The following POTEE variants were observed in gnomAD, a reference collection of about 807,000 sequenced individuals.
The protein encoded by POTEE is POTE ankyrin domain family member E.
A neutral mutation model predicts 74.2 loss-of-function variants in POTEE; 21 were observed. That is an observed-to-expected ratio of 0.28 (90% CI 0.20 to 0.41). The LOEUF (loss-of-function observed/expected upper bound fraction) is 0.41, where lower values mean the gene tolerates loss of function less well. Among genes scored for constraint, POTEE ranks in the 10% least tolerant of loss-of-function variants. The pLI is 1.00. For synonymous variants in POTEE, 211 were observed against 432.8 expected (o/e 0.49, Z 6.36); for missense variants, 525 against 1,158.6 (o/e 0.45, Z 7.94).
chr2:131,222,780 G>A (rs1296454724), intron 4 of POTEE, among the ~76,000 whole-genome samples: 1 of 152,020 alleles, frequency 6.6e-6, no homozygotes, highest in Non-Finnish European at 1.5e-5. Context: ...GTAAGAATTG[G>A]TTTATTTTAG....
intron 17 of POTEE, among the ~76,000 whole-genome samples, chr2:131,262,637 A>T (rs1701744269): frequency 1.3e-5 from 2 of 150,412 alleles, no homozygotes; most frequent in Admixed American, 6.6e-5. Context: ...GCATCAGCAG[A>T]CCTGGGGAAA....
chr2:131,225,550 C>A (rs184553148), intron 6 of POTEE, among the ~76,000 whole-genome samples: 3,441 of 133,532 alleles, frequency 0.026, 36 homozygotes, highest in African/African-American at 0.08. Context: ...TAAATCTTTC[C>A]AATAACATTA....
rs1208828983 is a variant in POTEE at position 131,209,738 on chromosome 2, C to T, written c.-426C>T. Among the ~76,000 whole-genome samples, 1 of 152,246 alleles carries T rather than the reference C, an allele frequency of 6.6e-6. No individual in the cohort carries two copies. Among genetic ancestry groups the T allele is most frequent in the Non-Finnish European group, 1.5e-5 (1 of 68,048 alleles). On this transcript the variant is annotated 5_prime_UTR_variant, in exon 1 of 18. Coordinates refer to ENST00000683005, the MANE Select transcript of POTEE (RefSeq NM_001083538.3). ...CGCATGCTGGAGGCTGGAGCCTGAG[C>T]CCCTGGGGCTCGCCTTGCTGTGTTT...
intron 6 of POTEE, among the ~76,000 whole-genome samples, chr2:131,224,366 G>A (rs1319043805): frequency 4.2e-5 from 6 of 143,864 alleles, no homozygotes; most frequent in Admixed American, 2.8e-4. Flanking sequence ...GGCAAAATTT[G>A]CCCTGAAATA....
chr2:131,221,715 C>G (rs1214431572), intron 4 of POTEE, among the ~76,000 whole-genome samples: 3 of 152,068 alleles, frequency 2.0e-5, no homozygotes, highest in African/African-American at 7.2e-5. Flanking sequence ...ACATAATTAT[C>G]TTTTCATTAG....
chr2:131,221,545 G>A (rs902102022), intron 4 of POTEE, among the ~76,000 whole-genome samples: 5 of 152,108 alleles, frequency 3.3e-5, no homozygotes, highest in African/African-American at 7.2e-5. Context: ...CTTGGGAAGA[G>A]AAGGAATATG....
intron 6 of POTEE, among the ~76,000 whole-genome samples, chr2:131,225,841 C>T (rs1700768474): frequency 6.6e-6 from 1 of 152,032 alleles, no homozygotes; most frequent in African/African-American, 2.4e-5. Context: ...TGACTTTTAT[C>T]TGTGACTGAG....
intron 9 of POTEE, among the ~76,000 whole-genome samples, chr2:131,235,792 CAAAAAAA>C (rs1203876832): frequency 3.2e-4 from 25 of 79,144 alleles, no homozygotes; most frequent in South Asian, 2.2e-3. Context: ...GACCCTGGCT[CAAAAAAA>C]AAAAAAAAAA....
intron 3 of POTEE, among the ~76,000 whole-genome samples, 99 bp downstream of exon 3, chr2:131,217,782 G>GCACGCGCACGCC (rs1004354348): frequency 3.4e-4 from 38 of 112,500 alleles, no homozygotes; most frequent in Non-Finnish European, 3.5e-4. Flanking sequence ...CGCCGCACGC[G>GCACGCGCACGCC]CACGCGCACG....
At chr2:131,229,994 A>G (rs1049427332) in intron 8 of POTEE, among the ~76,000 whole-genome samples, 2 of 152,184 alleles carry the variant, frequency 1.3e-5, no homozygotes, top group African/African-American at 2.4e-5. Context: ...GTCAGCTGGA[A>G]TTGAACATCA....
chr2:131,237,828 A>G (rs1196302385), intron 10 of POTEE, among the ~76,000 whole-genome samples: 3 of 152,298 alleles, frequency 2.0e-5, no homozygotes, highest in East Asian at 1.9e-4. Flanking sequence ...GAACACTACA[A>G]ATCATCTGCT....
intron 16 of POTEE, among the ~76,000 whole-genome samples, chr2:131,258,521 C>T (rs1253273596): frequency 6.7e-6 from 1 of 150,036 alleles, no homozygotes; most frequent in African/African-American, 2.4e-5. Context: ...TTTTTAAATT[C>T]CTTTTCTTGT....
In POTEE at chr2:131,263,970, G is replaced by T. The variant is rs753827162; in HGVS notation, c.2515G>T (p.Val839Leu). The T allele has an allele frequency of 1.2e-6, 2 of 1,614,188 alleles. No individual in the cohort carries two copies. Among genetic ancestry groups the T allele is most frequent in the Non-Finnish European group, 1.7e-6 (2 of 1,180,044 alleles). Reference protein sequence around the residue: ...TPAMYVAIQAVPSLYTSGRTT... With the variant: ...TPAMYVAIQALPSLYTSGRTT... ...AGCCATGTACGTGGCCATCCAGGCCGTGCCGTCCCTGTACACCTCTGGCCG... is the reference window on the plus strand; with the variant it reads ...AGCCATGTACGTGGCCATCCAGGCCTTGCCGTCCCTGTACACCTCTGGCCG... Residue 839 changes from valine (V) to leucine (L), a missense_variant, in exon 18 of 18, where the codon GTG (valine) becomes TTG (leucine). Physicochemically the swap from Val to Leu is conservative, Grantham distance 32. Transcript: ENST00000683005.
At chr2:131,235,792 CA>C (rs1203876832) in intron 9 of POTEE, among the ~76,000 whole-genome samples, 98 of 79,142 alleles carry the variant, frequency 1.2e-3, no homozygotes, top group African/African-American at 3.0e-3. Flanking sequence ...GACCCTGGCT[CA>C]AAAAAAAAAA....
intron 4 of POTEE, among the ~76,000 whole-genome samples, chr2:131,221,315 G>C (rs571409780): frequency 6.6e-6 from 1 of 152,048 alleles, no homozygotes; most frequent in African/African-American, 2.4e-5. Context: ...GAGATATGTC[G>C]ACATGCAAAG....
At chr2:131,216,657 G>C (rs947454303) in intron 2 of POTEE, among the ~76,000 whole-genome samples, 7 of 151,488 alleles carry the variant, frequency 4.6e-5, no homozygotes, top group Non-Finnish European at 7.4e-5. Context: ...CAACAGAAAT[G>C]TCCATGAATT....
intron 2 of POTEE, among the ~76,000 whole-genome samples, chr2:131,215,240 T>C (rs1322666784): frequency 6.6e-6 from 1 of 152,214 alleles, no homozygotes; most frequent in Non-Finnish European, 1.5e-5. Flanking sequence ...GATATGTTTT[T>C]GATTCCTTTT....
intron 8 of POTEE, among the ~76,000 whole-genome samples, chr2:131,228,984 A>G (rs1200584986): frequency 1.4e-5 from 2 of 147,960 alleles, no homozygotes; most frequent in Non-Finnish European, 2.9e-5. Flanking sequence ...TCATACAGTG[A>G]CTTTGATGTT....
chr2:131,222,272 G>T (rs1293121306), intron 4 of POTEE, among the ~76,000 whole-genome samples: 2 of 152,230 alleles, frequency 1.3e-5, no homozygotes, highest in African/African-American at 4.8e-5. Flanking sequence ...CATGGATGGT[G>T]TTGAAAGCCA....
Sources: gnomAD v4.1 joint callset for allele counts (sites outside exome capture counted in the v4.1 genomes callset) on GRCh38, gnomAD v4.1.1 for gene constraint, MANE v1.5 for transcripts, NCBI Gene and HGNC (gene_info 2026-07-23, HGNC 2026-07-21) for gene names.